Variants in LSM14A observed in about 807,000 individuals in gnomAD.
LSM14A encodes LSM14A mRNA processing body assembly factor.
Under a neutral mutation model 52.4 loss-of-function variants are expected in LSM14A, and 14 were observed. The ratio of observed to expected loss-of-function variants is 0.27; its 90% CI spans 0.18 to 0.42. LSM14A has a LOEUF of 0.42. LSM14A is among the 10% of genes least tolerant of loss of function. The probability of loss-of-function intolerance (pLI) is 1.00; values close to 1 mark genes in which losing one functional copy is unlikely to be tolerated. For synonymous variants in LSM14A, 185 were observed against 200.3 expected, an observed-to-expected ratio of 0.92 and a Z score of 0.64; for missense variants, 417 against 581.8, an observed-to-expected ratio of 0.72 and a Z score of 2.91.
chr19:34,211,152 C>A (rs2072116141), intron 4 of LSM14A, among the ~76,000 whole-genome samples: 1 of 151,392 alleles, frequency 6.6e-6, no homozygotes, highest in South Asian at 2.1e-4. Flanking sequence ...ACTAAAAATA[C>A]AAAAATTAGC....
chr19:34,206,013 A>T (rs532645119), intron 3 of LSM14A, among the ~76,000 whole-genome samples: 2 of 152,320 alleles, frequency 1.3e-5, no homozygotes, highest in Non-Finnish European at 2.9e-5. Context: ...AACAAATGTG[A>T]TAGTTTGGAT....
chr19:34,180,772 C>G (rs939591593), intron 1 of LSM14A, among the ~76,000 whole-genome samples: 1 of 152,164 alleles, frequency 6.6e-6, no homozygotes, highest in South Asian at 2.1e-4. Context: ...CTGTCTTATA[C>G]AAGAAATCAC....
chr19:34,225,044 T>G (rs115833773), intron 9 of LSM14A, among the ~76,000 whole-genome samples: 2,404 of 152,334 alleles, frequency 0.016, 52 homozygotes, highest in African/African-American at 0.054. Context: ...ACATTCCCTA[T>G]TTTTTGTATT....
intron 1 of LSM14A, among the ~76,000 whole-genome samples, chr19:34,178,773 C>A (rs933719365): frequency 4.6e-5 from 7 of 152,126 alleles, no homozygotes; most frequent in Non-Finnish European, 1.0e-4. Flanking sequence ...AATTATCCTG[C>A]CTCACATTAA....
At chr19:34,215,555 A>G (rs1435420623) in intron 5 of LSM14A, 41 bp from the exon 6 acceptor site, 2 of 1,505,776 alleles carry the variant, frequency 1.3e-6, no homozygotes, top group Admixed American at 3.4e-5. Context: ...TTGATGATGT[A>G]CCCTGAGTTG....
At chr19:34,178,213 A>G (rs1269493528) in intron 1 of LSM14A, among the ~76,000 whole-genome samples, 1 of 151,646 alleles carries the variant, frequency 6.6e-6, no homozygotes, top group African/African-American at 2.4e-5. Flanking sequence ...TCTTTTGAAA[A>G]TGTTTCAGTG....
chr19:34,219,336 C>A, intron 6 of LSM14A, 55 bp from the exon 7 acceptor site: 1 of 1,277,100 alleles, frequency 7.8e-7, no homozygotes, highest in Non-Finnish European at 1.1e-6. Context: ...AACATCTGTG[C>A]TAAACCAGCT....
intron 2 of LSM14A, 91 bp downstream of exon 2, chr19:34,194,732 C>A: frequency 1.7e-6 from 2 of 1,167,762 alleles, no homozygotes; most frequent in Non-Finnish European, 2.5e-6. Context: ...GTTCATGTAG[C>A]TTATCATTTC....
chr19:34,180,716 G>A (rs561178733), intron 1 of LSM14A, among the ~76,000 whole-genome samples: 10 of 152,058 alleles, frequency 6.6e-5, no homozygotes, highest in Middle Eastern at 3.4e-3. Flanking sequence ...GAGCAACCAC[G>A]ACAGTCAGTA....
chr19:34,208,063 T>C (rs191267439), intron 3 of LSM14A: 158 of 152,162 alleles, frequency 1.0e-3, no homozygotes, highest in African/African-American at 3.5e-3. Context: ...ATATAGAAAA[T>C]GTTGAGAGAA....
intron 6 of LSM14A, among the ~76,000 whole-genome samples, chr19:34,216,149 C>G (rs544751593): frequency 6.6e-6 from 1 of 152,138 alleles, no homozygotes; most frequent in South Asian, 2.1e-4. Flanking sequence ...CACAGTGGCT[C>G]ACGCCTGTAA....
intron 3 of LSM14A, among the ~76,000 whole-genome samples, chr19:34,200,461 T>C (rs540841231): frequency 6.6e-6 from 1 of 152,296 alleles, no homozygotes; most frequent in South Asian, 2.1e-4. Flanking sequence ...GAAAGTGTTT[T>C]TGTTTGGGGG....
In LSM14A at chr19:34,215,399, G is replaced by C. The variant is rs188697955; in HGVS notation, c.715+99G>C. ...GATTTACTTCATGTGAATGATCCCA[G>C]AAAATTAAACTGAATATGATAGAAT... On this transcript the variant is annotated intron_variant, in intron 5 of 9. Transcript: ENST00000544216. 223 of 1,264,504 alleles carry C rather than the reference G, an allele frequency of 1.8e-4. 1 individual carries two copies. In the East Asian group the frequency reaches 5.4e-3, roughly 31 times the overall value. The allele number at this position is 1,264,504 out of a possible 1,614,324, so 78.3% of individuals were successfully genotyped here. A position where few individuals can be genotyped will look rare whatever the true frequency, so the allele number is the denominator to read the frequency against.
chr19:34,201,772 A>C (rs1361588615), intron 3 of LSM14A, among the ~76,000 whole-genome samples: 1 of 152,180 alleles, frequency 6.6e-6, no homozygotes, highest in Non-Finnish European at 1.5e-5. Context: ...TTTGATGAGA[A>C]AATTTTTATA....
rs539277376 is a variant in LSM14A at position 34,193,730 on chromosome 19, T to C, written c.122-748T>C. 5.9e-5 allele frequency among the ~76,000 whole-genome samples: 9 copies of C among 152,318 alleles called. No individual in the cohort carries two copies. In the South Asian group the frequency reaches 1.9e-3, roughly 32 times the overall value. ...TTACTGCTCAGCAAGGTAAATGTTA[T>C]TAATACCTTCATTGCTCTCTGTGTC... On this transcript the variant is annotated intron_variant, in intron 1 of 9. Coordinates refer to ENST00000544216, the MANE Select transcript of LSM14A (RefSeq NM_015578.4).
intron 9 of LSM14A, among the ~76,000 whole-genome samples, chr19:34,225,607 A>C (rs2073300404): frequency 6.6e-6 from 1 of 152,210 alleles, no homozygotes; most frequent in Non-Finnish European, 1.5e-5. Flanking sequence ...AAGTTTTAGA[A>C]TCCTTAAAAG....
At chr19:34,202,129 T>G (rs1157896557) in intron 3 of LSM14A, among the ~76,000 whole-genome samples, 3 of 151,104 alleles carry the variant, frequency 2.0e-5, no homozygotes, top group Non-Finnish European at 4.4e-5. Flanking sequence ...TTAGTAAGTT[T>G]TTTTTTTTTT....
At position 34,228,409 on chromosome 19, in the gene LSM14A, G is replaced by A. The variant is rs543497143; in HGVS notation, c.*1021G>A. ...CAAATAAGTAATCTTCCCCCCTTTT[G>A]TAGGACTTTAAAACTAGGCATCAAT... On this transcript the variant is annotated 3_prime_UTR_variant, in exon 10 of 10. Coordinates refer to ENST00000544216, the MANE Select transcript of LSM14A (RefSeq NM_015578.4). 1 of 152,694 alleles carries A rather than the reference G, an allele frequency of 6.5e-6. No individual in the cohort carries two copies. The highest frequency in any genetic ancestry group is 2.1e-4 in the South Asian group (1 of 4,826). The allele number at this position is 152,694 out of a possible 1,614,324, so 9.5% of individuals were successfully genotyped here.
chr19:34,190,537 CAAAA>C (rs555521021), intron 1 of LSM14A, among the ~76,000 whole-genome samples: 1 of 127,130 alleles, frequency 7.9e-6, no homozygotes, highest in African/African-American at 2.9e-5. Flanking sequence ...ATCAACTAGC[CAAAA>C]AAAAAAAAAG....
Sources: gnomAD v4.1 joint callset for allele counts (sites outside exome capture counted in the v4.1 genomes callset) on GRCh38, gnomAD v4.1.1 for gene constraint, MANE v1.5 for transcripts, NCBI Gene and HGNC (gene_info 2026-07-23, HGNC 2026-07-21) for gene names.